The following SGCZ variants were observed in gnomAD, a reference collection of about 807,000 sequenced individuals.
The protein encoded by SGCZ is zeta-sarcoglycan.
SGCZ carries 40 observed loss-of-function variants against 41.3 expected under a neutral mutation model. The observed-to-expected ratio is 0.97, with a 90% confidence interval of 0.75 to 1.26. The LOEUF is 1.26. SGCZ is among the 50% of genes most tolerant of loss of function. The pLI, the probability that SGCZ is intolerant of heterozygous loss-of-function variation, is 0.00. For missense variants in SGCZ, 552 were observed against 369.8 expected (o/e 1.49, Z -4.04); for synonymous variants, 206 against 137.5 (o/e 1.50, Z -3.49).
chr8:14,684,985 T>C (rs1055315634), intron 1 of SGCZ, among the ~76,000 whole-genome samples: 1 of 152,172 alleles, frequency 6.6e-6, no homozygotes, highest in African/African-American at 2.4e-5. Context: ...TTTGTCTACA[T>C]ATTGGCATGT....
intron 1 of SGCZ, among the ~76,000 whole-genome samples, chr8:14,685,412 G>T (rs1170443219): frequency 6.6e-6 from 1 of 151,890 alleles, no homozygotes; most frequent in Non-Finnish European, 1.5e-5. Flanking sequence ...AAATGAAAAT[G>T]GTTAATTTTT....
chr8:14,361,125 G>A (rs1475561597), intron 2 of SGCZ, among the ~76,000 whole-genome samples: 1 of 152,058 alleles, frequency 6.6e-6, no homozygotes, highest in Non-Finnish European at 1.5e-5. Context: ...CTCGCTAATT[G>A]GATTGTTTCT....
intron 1 of SGCZ, among the ~76,000 whole-genome samples, chr8:15,051,621 A>G (rs1804516564): frequency 6.6e-6 from 1 of 152,160 alleles, no homozygotes; most frequent in Non-Finnish European, 1.5e-5. Context: ...AATTCTAGGA[A>G]TACGGAGAGT....
At chr8:14,490,767 C>T (rs76720570) in intron 2 of SGCZ, among the ~76,000 whole-genome samples, 1 of 152,022 alleles carries the variant, frequency 6.6e-6, no homozygotes, top group Non-Finnish European at 1.5e-5. Flanking sequence ...TTATGACAAT[C>T]CAGATTCTCA....
intron 1 of SGCZ, among the ~76,000 whole-genome samples, chr8:15,203,259 G>A (rs1800954989): frequency 6.6e-6 from 1 of 152,156 alleles, no homozygotes; most frequent in Non-Finnish European, 1.5e-5. Flanking sequence ...AAATTTAAAT[G>A]TAAATCTATA....
intron 1 of SGCZ, among the ~76,000 whole-genome samples, chr8:14,886,624 G>T (rs1372869702): frequency 1.3e-5 from 2 of 152,084 alleles, no homozygotes; most frequent in Non-Finnish European, 2.9e-5. Flanking sequence ...GCAGCAGGAG[G>T]TCACATTGAT....
chr8:15,030,967 G>A (rs1037719009), intron 1 of SGCZ, among the ~76,000 whole-genome samples: 1 of 152,066 alleles, frequency 6.6e-6, no homozygotes, highest in Non-Finnish European at 1.5e-5. Flanking sequence ...TTATTTTGGA[G>A]ATTATATATG....
At chr8:14,149,971 T>C (rs1419655483) in intron 5 of SGCZ, among the ~76,000 whole-genome samples, 1 of 152,110 alleles carries the variant, frequency 6.6e-6, no homozygotes, top group Non-Finnish European at 1.5e-5. Flanking sequence ...TGGATATCCA[T>C]ACACCAAAGA....
At chr8:15,163,810 T>C (rs1342285633) in intron 1 of SGCZ, among the ~76,000 whole-genome samples, 1 of 152,242 alleles carries the variant, frequency 6.6e-6, no homozygotes, top group South Asian at 2.1e-4. Flanking sequence ...GTATACTAAG[T>C]TTCACTGTCC....
At chr8:15,155,360 A>G (rs1454305611) in intron 1 of SGCZ, among the ~76,000 whole-genome samples, 1 of 152,180 alleles carries the variant, frequency 6.6e-6, no homozygotes, top group Non-Finnish European at 1.5e-5. Flanking sequence ...TGATTTGATC[A>G]TTATACATTG....
At chr8:14,720,632 ATAAG>A (rs1236206702) in intron 1 of SGCZ, among the ~76,000 whole-genome samples, 2 of 152,154 alleles carry the variant, frequency 1.3e-5, no homozygotes, top group East Asian at 3.9e-4. Context: ...TGCCTGTTTC[ATAAG>A]TAAGTTTTAT....
In SGCZ at chr8:14,955,720, T is replaced by G. The variant is rs529093968; in HGVS notation, c.39+281865A>C. Among the ~76,000 whole-genome samples, 4 of 152,336 alleles carry G rather than the reference T, an allele frequency of 2.6e-5. No individual in the cohort carries two copies. The South Asian group carries it at 8.3e-4, about 32-fold the overall frequency. ...TTTTCTATTGGATTATCAAGACCTT[T>G]TTTTTCATTCACAGAAGTTTTCTAA... is the stretch of plus-strand genomic sequence containing the variant. On this transcript the variant is annotated intron_variant, in intron 1 of 7. Transcript: ENST00000382080.
At chr8:14,731,531 T>C (rs1585216151) in intron 1 of SGCZ, among the ~76,000 whole-genome samples, 1 of 152,140 alleles carries the variant, frequency 6.6e-6, no homozygotes, top group African/African-American at 2.4e-5. Context: ...ACTTAAAGTA[T>C]AATAAAAATA....
rs1403366932 is a variant in SGCZ at position 14,401,766 on chromosome 8, A to G, written c.235-77562T>C. Among the ~76,000 whole-genome samples, 3 of 151,152 alleles carry G rather than the reference A, an allele frequency of 2.0e-5. 1 individual carries two copies. The highest frequency in any genetic ancestry group is 1.3e-4 in the Admixed American group (2 of 15,202). On this transcript the variant is annotated intron_variant, in intron 2 of 7. Transcript: ENST00000382080. ...TAAACATACGTGTGCATGTATCTTC[A>G]TAGCAGCATGATTTATAGTCCTTTG...
chr8:15,097,724 A>AT (rs1292772548), intron 1 of SGCZ, among the ~76,000 whole-genome samples: 1 of 122,550 alleles, frequency 8.2e-6, no homozygotes, highest in Non-Finnish European at 1.7e-5. Context: ...GTGAGAGCTT[A>AT]TAAAAAAAAA....
chr8:14,185,542 G>A (rs1056540615), intron 4 of SGCZ, among the ~76,000 whole-genome samples: 3 of 151,640 alleles, frequency 2.0e-5, no homozygotes, highest in Non-Finnish European at 2.9e-5. Context: ...CATTTCATGT[G>A]ATCTTTCTCA....
intron 1 of SGCZ, among the ~76,000 whole-genome samples, chr8:14,924,918 C>T (rs1318578102): frequency 7.1e-6 from 1 of 141,682 alleles, no homozygotes; most frequent in Non-Finnish European, 1.5e-5. Flanking sequence ...AGTGCAATGT[C>T]GCCATCTCAG....
chr8:15,043,734 C>A (rs1324648721), intron 1 of SGCZ, among the ~76,000 whole-genome samples: 1 of 151,900 alleles, frequency 6.6e-6, no homozygotes, highest in Non-Finnish European at 1.5e-5. Context: ...AGAATAATCA[C>A]AAGATAATAT....
intron 1 of SGCZ, among the ~76,000 whole-genome samples, chr8:14,870,765 G>T (rs868754276): frequency 7.0e-4 from 105 of 150,994 alleles, no homozygotes; most frequent in African/African-American, 2.5e-3. Context: ...AGTGGGTGAA[G>T]AATACGAACA....
Sources: gnomAD v4.1 joint callset for allele counts (sites outside exome capture counted in the v4.1 genomes callset) on GRCh38, gnomAD v4.1.1 for gene constraint, MANE v1.5 for transcripts, NCBI Gene and HGNC (gene_info 2026-07-23, HGNC 2026-07-21) for gene names.